Variants in LINC00305 observed in about 807,000 individuals in gnomAD.
The protein encoded by LINC00305 is long independently transcribed non-coding RNA 305.
chr18:64,123,835 T>C (rs1239831253), intron 1 of LINC00305, among the ~76,000 whole-genome samples: 1 of 152,070 alleles, frequency 6.6e-6, no homozygotes, highest in Admixed American at 6.6e-5. Context: ...CTGTCAAGAA[T>C]GAGGGAGTTC....
chr18:64,114,612 G>A (rs1458915535), intron 1 of LINC00305, among the ~76,000 whole-genome samples: 2 of 152,178 alleles, frequency 1.3e-5, no homozygotes, highest in East Asian at 1.9e-4. Flanking sequence ...GCAAGGCCGC[G>A]ATCTTGGCTC....
At chr18:64,129,612 T>C (rs1055965998) in intron 1 of LINC00305, among the ~76,000 whole-genome samples, 4 of 152,180 alleles carry the variant, frequency 2.6e-5, no homozygotes, top group Admixed American at 6.6e-5. Flanking sequence ...TGTCCATGTT[T>C]CCTATTCAGG....
chr18:64,131,704 G>A (rs1039031542), intron 1 of LINC00305, among the ~76,000 whole-genome samples: 10 of 152,192 alleles, frequency 6.6e-5, no homozygotes, highest in Admixed American at 2.6e-4. Context: ...AGGAGATGGC[G>A]GTGATTGCTA....
chr18:64,137,429 T>C (rs961167904), intron 1 of LINC00305, among the ~76,000 whole-genome samples: 1 of 152,256 alleles, frequency 6.6e-6, no homozygotes, highest in Non-Finnish European at 1.5e-5. Flanking sequence ...ACTTCAGTTA[T>C]GAGCTATAGT....
At chr18:64,084,800 A>C (rs1378073844) in intron 3 of LINC00305, among the ~76,000 whole-genome samples, 5 of 152,246 alleles carry the variant, frequency 3.3e-5, no homozygotes, top group Non-Finnish European at 7.3e-5. Context: ...GATGAAACTC[A>C]GCCCCATATA....
In LINC00305 at chr18:64,089,164, C is replaced by G. The variant is rs1484585882; in HGVS notation, n.540+8670G>C. Among the ~76,000 whole-genome samples the G allele has an allele frequency of 3.3e-5, 5 of 152,188 alleles. No individual in the cohort carries two copies. In the South Asian group the frequency reaches 6.2e-4, roughly 19 times the overall value. ...AATCCCCAGAGGTAGAGAGAGGGAC[C>G]CGGTGGGAGGTGATTGGATCATGGG... is the stretch of plus-strand genomic sequence containing the variant. On this transcript the variant is annotated intron_variant and non_coding_transcript_variant, in intron 3 of 3. Coordinates refer to ENST00000666468, the Ensembl canonical transcript of LINC00305.
intron 3 of LINC00305, among the ~76,000 whole-genome samples, chr18:64,091,109 T>C (rs1568104353): frequency 6.6e-6 from 1 of 152,222 alleles, no homozygotes; most frequent in Admixed American, 6.5e-5. Flanking sequence ...AATAAATGAG[T>C]AGCAAATAAC....
chr18:64,143,417 A>G (rs1016515890), intron 1 of LINC00305, among the ~76,000 whole-genome samples: 1 of 151,148 alleles, frequency 6.6e-6, no homozygotes, highest in Non-Finnish European at 1.5e-5. Context: ...ATATATATAT[A>G]TGTGTATACC....
intron 1 of LINC00305, among the ~76,000 whole-genome samples, chr18:64,118,908 A>C (rs2051349723): frequency 6.6e-6 from 1 of 151,358 alleles, no homozygotes; most frequent in African/African-American, 2.4e-5. Context: ...ACTTCATACA[A>C]AGTAGGGTCT....
intron 3 of LINC00305, among the ~76,000 whole-genome samples, chr18:64,090,135 A>G (rs1248612227): frequency 6.8e-6 from 1 of 147,630 alleles, no homozygotes; most frequent in Admixed American, 6.6e-5. Context: ...CTATCTTTAA[A>G]CCAAACCTAG....
intron 3 of LINC00305, among the ~76,000 whole-genome samples, chr18:64,091,014 A>G (rs532331627): frequency 6.6e-6 from 1 of 152,346 alleles, no homozygotes; most frequent in Admixed American, 6.5e-5. Flanking sequence ...AGCAGGACTG[A>G]CAAGAAAAGG....
At chr18:64,116,606 GACAA>G (rs1810444715) in intron 1 of LINC00305, among the ~76,000 whole-genome samples, 1 of 151,656 alleles carries the variant, frequency 6.6e-6, no homozygotes, top group Non-Finnish European at 1.5e-5. Context: ...TGGTGTAATT[GACAA>G]ACATTGTATA....
chr18:64,131,874 G>A (rs555926181), intron 1 of LINC00305, among the ~76,000 whole-genome samples: 89 of 152,290 alleles, frequency 5.8e-4, no homozygotes, highest in Admixed American at 1.1e-3. Context: ...ACTGGATAAT[G>A]CCAAGATGGC....
intron 1 of LINC00305, among the ~76,000 whole-genome samples, chr18:64,128,948 G>A (rs1195951538): frequency 6.6e-6 from 1 of 152,008 alleles, no homozygotes; most frequent in Non-Finnish European, 1.5e-5. Flanking sequence ...AACCTGAGTG[G>A]GCTGTCTTTT....
intron 1 of LINC00305, chr18:64,104,000 G>GT (rs1409587259): frequency 6.6e-6 from 1 of 152,212 alleles, no homozygotes; most frequent in Non-Finnish European, 1.5e-5. Flanking sequence ...CATGACTTGC[G>GT]TATGTCACAA....
At chr18:64,125,707 C>T (rs1473979288) in intron 1 of LINC00305, among the ~76,000 whole-genome samples, 2 of 152,026 alleles carry the variant, frequency 1.3e-5, no homozygotes, top group African/African-American at 2.4e-5. Context: ...ATACTTATTA[C>T]CTTGTGCTAT....
At chr18:64,089,381 G>T (rs901896304) in intron 3 of LINC00305, among the ~76,000 whole-genome samples, 1 of 152,172 alleles carries the variant, frequency 6.6e-6, no homozygotes, top group Admixed American at 6.5e-5. Context: ...TGAACTGTGA[G>T]TCAATTAAGC....
chr18:64,136,471 C>T (rs1367910170), intron 1 of LINC00305, among the ~76,000 whole-genome samples: 1 of 152,016 alleles, frequency 6.6e-6, no homozygotes, highest in Admixed American at 6.6e-5. Context: ...GGGAGAAGCC[C>T]CTTATAAGAC....
chr18:64,089,836 CA>C (rs2144894631), intron 3 of LINC00305, among the ~76,000 whole-genome samples: 1 of 152,312 alleles, frequency 6.6e-6, no homozygotes, highest in South Asian at 2.1e-4. Flanking sequence ...ATAAAACCAT[CA>C]GATCTCATGA....
Sources: gnomAD v4.1 joint callset for allele counts (sites outside exome capture counted in the v4.1 genomes callset) on GRCh38, gnomAD v4.1.1 for gene constraint, MANE v1.5 for transcripts, NCBI Gene and HGNC (gene_info 2026-07-23, HGNC 2026-07-21) for gene names.